PHKA2: variants seen among roughly 807,000 people sequenced by gnomAD.
The protein encoded by PHKA2 is phosphorylase kinase regulatory subunit alpha 2.
PHKA2 carries 31 observed loss-of-function variants against 102.0 expected under a neutral mutation model. That is an observed-to-expected ratio of 0.30 (90% CI 0.23 to 0.41). The LOEUF (loss-of-function observed/expected upper bound fraction) is 0.41. Ranked by LOEUF, PHKA2 falls within the 10% of genes least tolerant of loss-of-function variation. PHKA2 has a pLI of 1.00. For synonymous variants in PHKA2, 455 were observed against 416.2 expected (o/e 1.09, Z -1.13); for missense variants, 858 against 1,023.1 (o/e 0.84, Z 2.20).
In PHKA2 at chrX:18,894,453, C is replaced by CCTAT. The variant is rs747163072; in HGVS notation, c.3337-53_3337-50dup. ...CCACCAGTGAGAGGACAGATGCAGC[C>CCTAT]CTATCAATCAATCACCGAGTAACCA... is the stretch of plus-strand genomic sequence containing the variant. On this transcript the variant is annotated intron_variant, in intron 31 of 32. Coordinates refer to ENST00000379942, the MANE Select transcript of PHKA2 (RefSeq NM_000292.3). The CCTAT allele has an allele frequency of 1.1e-3, 1,143 of 1,054,988 alleles. 4 individuals carry two copies. Among genetic ancestry groups the CCTAT allele is most frequent in the Non-Finnish European group, 9.7e-4 (738 of 760,670 alleles). The allele number at this position is 1,054,988 out of a possible 1,213,427, so 86.9% of individuals were successfully genotyped here.
chrX:18,971,208 T>C (rs961498211), intron 1 of PHKA2, among the ~76,000 whole-genome samples: 1 of 112,608 alleles, frequency 8.9e-6, no homozygotes, highest in Non-Finnish European at 1.9e-5. Flanking sequence ...CACATGACAC[T>C]TACCTCTTCT....
intron 30 of PHKA2, 74 bp from the exon 31 acceptor site, chrX:18,895,265 C>T: frequency 1.5e-5 from 14 of 907,806 alleles, no homozygotes; most frequent in South Asian, 7.9e-5. Flanking sequence ...CACAGGCGTG[C>T]ATGCACACAC....
At chrX:18,917,519 A>G (rs1430819963) in intron 19 of PHKA2, among the ~76,000 whole-genome samples, 1 of 111,051 alleles carries the variant, frequency 9.0e-6, no homozygotes, top group Non-Finnish European at 1.9e-5. Flanking sequence ...TCAGCTTCCA[A>G]AAGTGCTGGG....
rs1195378609 is a variant in PHKA2 at position 18,943,822 on chromosome X, T to C, written c.619-14A>G. 5.3e-6 allele frequency: 6 copies of C among 1,131,847 alleles called. No individual in the cohort carries two copies. Among genetic ancestry groups the C allele is most frequent in the Middle Eastern group, 2.4e-4 (1 of 4,162 alleles). The allele number at this position is 1,131,847 out of a possible 1,213,427, so 93.3% of individuals were successfully genotyped here. The stretch of plus-strand genomic sequence containing the variant: ...CTCAAGAGCTGCCTACAAACACAGG[T>C]ATGAGTTACTTTTTCTTTCTAATAA... On this transcript the variant is annotated splice_polypyrimidine_tract_variant and intron_variant, in intron 6 of 32. Transcript: ENST00000379942.
intron 26 of PHKA2, among the ~76,000 whole-genome samples, chrX:18,905,444 G>A (rs1185799332): frequency 9.0e-6 from 1 of 111,507 alleles, no homozygotes. Context: ...CAAAGTGCTG[G>A]GATTACAGGC....
In PHKA2 at chrX:18,958,177, C is replaced by T. The variant is rs1234093751; in HGVS notation, c.79-3765G>A. On this transcript the variant is annotated intron_variant, in intron 1 of 32. Coordinates refer to ENST00000379942, the MANE Select transcript of PHKA2 (RefSeq NM_000292.3). The stretch of plus-strand genomic sequence containing the variant: ...GCCCGGCCAGGGTCACTGTTTTTAA[C>T]GAGCGGGATGGTGGGATCATATGAT... Among the ~76,000 whole-genome samples the T allele has an allele frequency of 2.7e-5, 3 of 111,421 alleles. No individual in the cohort carries two copies. In the South Asian group the frequency reaches 1.1e-3, roughly 42 times the overall value.
intron 19 of PHKA2, among the ~76,000 whole-genome samples, chrX:18,914,014 C>T (rs936741670): frequency 8.9e-6 from 1 of 112,564 alleles, no homozygotes; most frequent in Non-Finnish European, 1.9e-5. Flanking sequence ...ACTCTAAATA[C>T]GCAAACCAGC....
At chrX:18,939,256 GC>G (rs1411393685) in intron 9 of PHKA2, among the ~76,000 whole-genome samples, 1 of 111,147 alleles carries the variant, frequency 9.0e-6, no homozygotes, top group Non-Finnish European at 1.9e-5. Context: ...GCTCATTGCA[GC>G]CTTGACCTCC....
At chrX:18,923,674 T>C (rs1333529300) in intron 17 of PHKA2, among the ~76,000 whole-genome samples, 1 of 112,212 alleles carries the variant, frequency 8.9e-6, no homozygotes, top group African/African-American at 3.2e-5. Flanking sequence ...CATATTCAAG[T>C]TGGTGCAAGG....
chrX:18,905,707 C>T (rs1210432795), intron 26 of PHKA2, 51 bp downstream of exon 26: 1 of 803,252 alleles, frequency 1.2e-6, no homozygotes, highest in Admixed American at 2.2e-5. Context: ...ATGTCTGCTG[C>T]ATGTAAAGGA....
intron 12 of PHKA2, 66 bp downstream of exon 12, chrX:18,931,575 C>A (rs1486556824): frequency 7.8e-6 from 6 of 770,156 alleles, no homozygotes; most frequent in African/African-American, 4.1e-5. Flanking sequence ...AGTCCCTATG[C>A]CCTTCTGGGG....
At chrX:18,905,715 G>A in intron 26 of PHKA2, 43 bp downstream of exon 26, 1 of 879,920 alleles carries the variant, frequency 1.1e-6, no homozygotes. Flanking sequence ...TGCATGTAAA[G>A]GAGGCAGCTC....
intron 20 of PHKA2, 114 bp from the exon 21 acceptor site, chrX:18,909,048 G>T: frequency 1.0e-6 from 1 of 957,162 alleles, no homozygotes; most frequent in Non-Finnish European, 1.5e-6. Flanking sequence ...CTGTGCTCCA[G>T]TTTTCAATGA....
intron 20 of PHKA2, among the ~76,000 whole-genome samples, chrX:18,909,672 ACT>A (rs1276485605): frequency 9.0e-6 from 1 of 111,588 alleles, no homozygotes; most frequent in Non-Finnish European, 1.9e-5. Flanking sequence ...CAAATTTATC[ACT>A]CTTTGTTTAA....
chrX:18,894,775 C>T (rs919909909), intron 31 of PHKA2: 4 of 387,689 alleles, frequency 1.0e-5, no homozygotes, highest in East Asian at 4.5e-5. Flanking sequence ...TGACAAATCA[C>T]CTAGGGACGA....
At chrX:18,912,801 C>T (rs1223855619) in intron 19 of PHKA2, among the ~76,000 whole-genome samples, 1 of 111,013 alleles carries the variant, frequency 9.0e-6, no homozygotes, top group African/African-American at 3.3e-5. Flanking sequence ...ATCCCAGCTA[C>T]TCCGGAGGCT....
intron 13 of PHKA2, among the ~76,000 whole-genome samples, chrX:18,928,157 G>A (rs2048245689): frequency 8.9e-6 from 1 of 112,263 alleles, no homozygotes; most frequent in African/African-American, 3.2e-5. Flanking sequence ...CCACCTGGAA[G>A]TCAGGAATGG....
intron 10 of PHKA2, among the ~76,000 whole-genome samples, chrX:18,937,354 G>A: frequency 9.0e-6 from 1 of 111,365 alleles, no homozygotes; most frequent in Non-Finnish European, 1.9e-5. Context: ...ATCAGTAAAT[G>A]TTTACTGAGC....
At chrX:18,976,444 G>A (rs1396730364) in intron 1 of PHKA2, among the ~76,000 whole-genome samples, 1 of 111,270 alleles carries the variant, frequency 9.0e-6, no homozygotes, top group Non-Finnish European at 1.9e-5. Context: ...CCTTTATCTG[G>A]AAAACAGCCC....
Sources: gnomAD v4.1 joint callset for allele counts (sites outside exome capture counted in the v4.1 genomes callset) on GRCh38, gnomAD v4.1.1 for gene constraint, MANE v1.5 for transcripts, NCBI Gene and HGNC (gene_info 2026-07-23, HGNC 2026-07-21) for gene names.